DNAH14: variants seen among roughly 807,000 people sequenced by gnomAD.
The protein encoded by DNAH14 is dynein axonemal heavy chain 14.
In DNAH14, 478 loss-of-function variants were observed where a neutral mutation model predicts 520.9. That is an observed-to-expected ratio of 0.92 (90% CI 0.85 to 0.99). DNAH14 has a LOEUF of 0.99. DNAH14 is among the 50% of genes least tolerant of loss of function. The pLI, the probability that DNAH14 is intolerant of heterozygous loss-of-function variation, is 0.00. For synonymous variants in DNAH14, 1,581 were observed against 1,757.2 expected (o/e 0.90, Z 2.51); for missense variants, 4,831 against 5,234.5 (o/e 0.92, Z 2.38).
chr1:225,169,778 G>A (rs907884988), intron 36 of DNAH14, among the ~76,000 whole-genome samples: 8 of 152,122 alleles, frequency 5.3e-5, no homozygotes, highest in Non-Finnish European at 1.2e-4. Flanking sequence ...ACGCCACAAA[G>A]ATACTCCTTG....
At chr1:225,233,680 A>T (rs1181585688) in intron 42 of DNAH14, among the ~76,000 whole-genome samples, 2 of 151,686 alleles carry the variant, frequency 1.3e-5, no homozygotes, top group African/African-American at 2.4e-5. Flanking sequence ...TAGACTCTGG[A>T]TATTAGACCT....
intron 41 of DNAH14, among the ~76,000 whole-genome samples, chr1:225,218,532 C>G (rs2089685033): frequency 6.6e-6 from 1 of 150,506 alleles, no homozygotes; most frequent in South Asian, 2.1e-4. Flanking sequence ...GTAAAACAGA[C>G]TTTTAACCAA....
chr1:224,948,824 T>G (rs2125465329), intron 1 of DNAH14, among the ~76,000 whole-genome samples: 1 of 152,300 alleles, frequency 6.6e-6, no homozygotes, highest in Admixed American at 6.5e-5. Flanking sequence ...TGCAAGTATC[T>G]TAAAACACTT....
intron 54 of DNAH14, among the ~76,000 whole-genome samples, chr1:225,281,498 T>C (rs1249280363): frequency 1.3e-5 from 2 of 152,214 alleles, no homozygotes; most frequent in Non-Finnish European, 2.9e-5. Context: ...CCATGTAATA[T>C]AACATATTCA....
intron 43 of DNAH14, among the ~76,000 whole-genome samples, chr1:225,248,804 A>G (rs1267304525): frequency 6.6e-6 from 1 of 152,202 alleles, no homozygotes; most frequent in African/African-American, 2.4e-5. Flanking sequence ...GAAAAGGGGA[A>G]CACCAGTTCT....
intron 8 of DNAH14, among the ~76,000 whole-genome samples, chr1:224,989,789 T>C (rs1167322333): frequency 2.6e-5 from 4 of 152,162 alleles, no homozygotes; most frequent in Non-Finnish European, 5.9e-5. Context: ...TTTTGTCACA[T>C]GCTTTTTTCT....
At chr1:225,036,432 G>T (rs2066968158) in intron 11 of DNAH14, among the ~76,000 whole-genome samples, 1 of 152,024 alleles carries the variant, frequency 6.6e-6, no homozygotes, top group South Asian at 2.1e-4. Flanking sequence ...ACCACGCCCT[G>T]CCCAGACTAA....
chr1:225,165,629 A>G (rs2081970252), intron 35 of DNAH14, among the ~76,000 whole-genome samples: 1 of 151,886 alleles, frequency 6.6e-6, no homozygotes, highest in Non-Finnish European at 1.5e-5. Flanking sequence ...TCTGTCACCC[A>G]GGCTTGAGTG....
chr1:224,965,935 A>G (rs2061141330), intron 5 of DNAH14, among the ~76,000 whole-genome samples: 2 of 152,142 alleles, frequency 1.3e-5, no homozygotes, highest in Non-Finnish European at 2.9e-5. Flanking sequence ...ATATGATTAA[A>G]CACTTGTTTT....
At chr1:225,290,346 T>C (rs1449402180) in intron 55 of DNAH14, among the ~76,000 whole-genome samples, 1 of 151,946 alleles carries the variant, frequency 6.6e-6, no homozygotes, top group Non-Finnish European at 1.5e-5. Flanking sequence ...TTCATTTTAA[T>C]TGACAGATTG....
At chr1:225,350,978 T>C (rs181859346) in intron 71 of DNAH14, among the ~76,000 whole-genome samples, 15 of 152,174 alleles carry the variant, frequency 9.9e-5, no homozygotes, top group Non-Finnish European at 1.6e-4. Context: ...GATGCAAAAA[T>C]CCTCAGCAAA....
At chr1:225,355,234 C>T (rs2095416983) in intron 73 of DNAH14, among the ~76,000 whole-genome samples, 1 of 152,028 alleles carries the variant, frequency 6.6e-6, no homozygotes, top group African/African-American at 2.4e-5. Flanking sequence ...TTGCTGTGTC[C>T]TCACAACAAG....
intron 29 of DNAH14, 23 bp from the exon 30 acceptor site, chr1:225,145,303 A>G (rs1233309465): frequency 1.3e-6 from 2 of 1,530,858 alleles, no homozygotes; most frequent in Non-Finnish European, 1.8e-6. Flanking sequence ...CAAGAAAGAT[A>G]CTAAAATATT....
At chr1:225,196,558 G>A (rs765304626) in intron 38 of DNAH14, among the ~76,000 whole-genome samples, 3 of 152,104 alleles carry the variant, frequency 2.0e-5, no homozygotes, top group Non-Finnish European at 4.4e-5. Context: ...GGATCAAATG[G>A]TAGCTCTACT....
Position 225,331,594 on chromosome 1 carries a change from T to C in DNAH14, c.9864+17T>C, listed in dbSNP as rs1239717646. 2 of 1,551,004 alleles carry C rather than the reference T, an allele frequency of 1.3e-6. No individual in the cohort carries two copies. Among genetic ancestry groups the C allele is most frequent in the African/African-American group, 2.7e-5 (2 of 72,998 alleles). ...GATGAGAAGGCATGACTTACTTTGG[T>C]CTTATATCTCGTCCATAATTCCTAC... On this transcript the variant is annotated intron_variant, in intron 65 of 85. Transcript: ENST00000682510.
chr1:225,176,579 C>T (rs946624058), intron 36 of DNAH14, among the ~76,000 whole-genome samples: 6 of 120,912 alleles, frequency 5.0e-5, no homozygotes, highest in African/African-American at 1.9e-4. Flanking sequence ...TTGGCTGTGT[C>T]CCCACCCAAA....
At chr1:225,393,510 A>C (rs2095950385) in intron 84 of DNAH14, among the ~76,000 whole-genome samples, 1 of 152,234 alleles carries the variant, frequency 6.6e-6, no homozygotes, top group African/African-American at 2.4e-5. Context: ...ATTCCTCTAC[A>C]TCATCGCTAG....
At chr1:225,141,088 T>A in intron 28 of DNAH14, 67 bp downstream of exon 28, 1 of 1,384,994 alleles carries the variant, frequency 7.2e-7, no homozygotes, top group African/African-American at 1.5e-5. Context: ...GTAAATTGAT[T>A]CTCTACCTCA....
At chr1:224,970,212 T>A (rs1368541624) in intron 7 of DNAH14, among the ~76,000 whole-genome samples, 1 of 152,090 alleles carries the variant, frequency 6.6e-6, no homozygotes, top group Non-Finnish European at 1.5e-5. Context: ...GTCAAAGCTG[T>A]AGGGATGAAA....
Sources: gnomAD v4.1 joint callset for allele counts (sites outside exome capture counted in the v4.1 genomes callset) on GRCh38, gnomAD v4.1.1 for gene constraint, MANE v1.5 for transcripts, NCBI Gene and HGNC (gene_info 2026-07-23, HGNC 2026-07-21) for gene names.